Variants in CTNNA2 observed in about 807,000 individuals in gnomAD.
CTNNA2 encodes catenin alpha-2.
A neutral mutation model predicts 101.0 loss-of-function variants in CTNNA2; 42 were observed. The observed-to-expected ratio is 0.42, with a 90% confidence interval of 0.32 to 0.54. The LOEUF is 0.54. Among genes scored for constraint, CTNNA2 ranks in the 20% least tolerant of loss-of-function variants. The pLI is 0.14. For synonymous variants in CTNNA2, 450 were observed against 456.4 expected, an observed-to-expected ratio of 0.99 and a Z score of 0.18; for missense variants, 871 against 1,223.1, an observed-to-expected ratio of 0.71 and a Z score of 4.29.
chr2:79,477,833 C>T (rs529403413), intron 4 of CTNNA2, among the ~76,000 whole-genome samples: 74 of 152,220 alleles, frequency 4.9e-4, no homozygotes, highest in Admixed American at 8.5e-4. Context: ...CTAAACTAGC[C>T]CAACTGGTGG....
At chr2:79,405,611 C>A (rs1473459024) in intron 4 of CTNNA2, among the ~76,000 whole-genome samples, 3 of 152,070 alleles carry the variant, frequency 2.0e-5, no homozygotes, top group Non-Finnish European at 4.4e-5. Context: ...CAGGTCCTAG[C>A]CACTGTGACA....
intron 1 of CTNNA2, among the ~76,000 whole-genome samples, chr2:79,579,890 A>G (rs1041275953): frequency 4.6e-5 from 7 of 152,178 alleles, no homozygotes; most frequent in African/African-American, 1.7e-4. Flanking sequence ...CCGGGATTAC[A>G]GGTGTGAGCC....
intron 6 of CTNNA2, among the ~76,000 whole-genome samples, chr2:79,896,503 G>GA (rs924758899): frequency 1.3e-5 from 2 of 152,184 alleles, no homozygotes; most frequent in Admixed American, 6.5e-5. Flanking sequence ...TAAAGGTTGG[G>GA]AAAAGGATAT....
intron 3 of CTNNA2, among the ~76,000 whole-genome samples, chr2:79,798,118 T>C (rs1480165261): frequency 6.6e-6 from 1 of 152,120 alleles, no homozygotes; most frequent in Admixed American, 6.5e-5. Context: ...ATACTAGAAC[T>C]GCTGAATGAG....
At chr2:79,872,452 T>G in intron 5 of CTNNA2, among the ~76,000 whole-genome samples, 1 of 152,102 alleles carries the variant, frequency 6.6e-6, no homozygotes, top group East Asian at 1.9e-4. Flanking sequence ...TTAATAAAGG[T>G]TTTCATGACT....
intron 7 of CTNNA2, among the ~76,000 whole-genome samples, chr2:80,065,042 C>T (rs965946707): frequency 6.6e-6 from 1 of 152,004 alleles, no homozygotes; most frequent in Non-Finnish European, 1.5e-5. Flanking sequence ...AAGTAAAAAC[C>T]CTTTTGCTGA....
chr2:80,558,272 T>C (rs1693222076), intron 12 of CTNNA2, among the ~76,000 whole-genome samples: 1 of 152,178 alleles, frequency 6.6e-6, no homozygotes, highest in South Asian at 2.1e-4. Context: ...TGTTACTATT[T>C]TGTGAATAAC....
chr2:79,657,103 A>G (rs73938766), intron 2 of CTNNA2, among the ~76,000 whole-genome samples: 731 of 151,970 alleles, frequency 4.8e-3, no homozygotes, highest in African/African-American at 0.017. Context: ...AACAAGGAAA[A>G]CTGGAATCAC....
chr2:79,377,312 C>T (rs553341217), intron 4 of CTNNA2, among the ~76,000 whole-genome samples: 101 of 152,274 alleles, frequency 6.6e-4, no homozygotes, highest in Admixed American at 2.2e-3. Flanking sequence ...AGTTGTGTCT[C>T]CTAACCTAGA....
chr2:79,755,273 T>C (rs1672320487), intron 3 of CTNNA2, among the ~76,000 whole-genome samples: 2 of 152,174 alleles, frequency 1.3e-5, no homozygotes, highest in African/African-American at 2.4e-5. Flanking sequence ...TGAGGCTACA[T>C]TGAGCTATGA....
chr2:79,950,228 T>C (rs138566402), intron 7 of CTNNA2, among the ~76,000 whole-genome samples: 3 of 152,312 alleles, frequency 2.0e-5, no homozygotes, highest in Admixed American at 6.5e-5. Context: ...AGAAAAATTG[T>C]ATTCATTACG....
chr2:79,443,511 C>A (rs1279837902), intron 4 of CTNNA2, among the ~76,000 whole-genome samples: 1 of 151,930 alleles, frequency 6.6e-6, no homozygotes, highest in Non-Finnish European at 1.5e-5. Context: ...CTGGAAACAC[C>A]CTCATAGACA....
intron 7 of CTNNA2, among the ~76,000 whole-genome samples, chr2:80,039,066 G>C (rs143136598): frequency 3.7e-4 from 56 of 152,194 alleles, no homozygotes; most frequent in African/African-American, 1.3e-3. Context: ...AGGAGTACAA[G>C]ATGCTTTCTT....
chr2:79,287,199 A>G (rs542382437), intron 2 of CTNNA2, among the ~76,000 whole-genome samples: 1 of 152,170 alleles, frequency 6.6e-6, no homozygotes, highest in East Asian at 1.9e-4. Flanking sequence ...CTTTGGTTTG[A>G]ATGTCCTCCC....
At chr2:79,343,974 C>A (rs1033388140) in intron 3 of CTNNA2, among the ~76,000 whole-genome samples, 1 of 152,044 alleles carries the variant, frequency 6.6e-6, no homozygotes. Context: ...ATCTAAGATC[C>A]AAAACCAATG....
At chr2:79,552,101 AAT>A (rs1170898971) in intron 1 of CTNNA2, among the ~76,000 whole-genome samples, 1 of 152,162 alleles carries the variant, frequency 6.6e-6, no homozygotes, top group African/African-American at 2.4e-5. Flanking sequence ...AGACAAGGCA[AAT>A]CCCTTCTGCC....
chr2:80,125,398 C>A (rs1453955451), intron 7 of CTNNA2, among the ~76,000 whole-genome samples: 1 of 152,142 alleles, frequency 6.6e-6, no homozygotes, highest in African/African-American at 2.4e-5. Context: ...AGGACTATCT[C>A]TGATGCAGAG....
chr2:79,597,001 T>C (rs1178270095), intron 1 of CTNNA2, among the ~76,000 whole-genome samples: 9 of 152,172 alleles, frequency 5.9e-5, no homozygotes, highest in Admixed American at 5.9e-4. Flanking sequence ...GGTGGACACA[T>C]CCACCTTGCA....
chr2:79,869,459 G>C (rs958371326), intron 4 of CTNNA2, among the ~76,000 whole-genome samples: 1 of 151,910 alleles, frequency 6.6e-6, no homozygotes, highest in African/African-American at 2.4e-5. Context: ...TCTTCTGAAG[G>C]CTTCTAGAAT....
Sources: gnomAD v4.1 joint callset for allele counts (sites outside exome capture counted in the v4.1 genomes callset) on GRCh38, gnomAD v4.1.1 for gene constraint, MANE v1.5 for transcripts, NCBI Gene and HGNC (gene_info 2026-07-23, HGNC 2026-07-21) for gene names.